The following SCYL1 variants were observed in gnomAD, a reference collection of about 807,000 sequenced individuals.
SCYL1 encodes N-terminal kinase-like protein.
A neutral mutation model predicts 94.8 loss-of-function variants in SCYL1; 85 were observed. That is an observed-to-expected ratio of 0.90 (90% confidence interval 0.75 to 1.07). SCYL1 has a LOEUF of 1.07. SCYL1 is among the 50% of genes least tolerant of loss of function. The pLI is 0.00. For missense variants in SCYL1, 968 were observed against 1,083.3 expected, an observed-to-expected ratio of 0.89 and a Z score of 1.49; for synonymous variants, 459 against 435.5, an observed-to-expected ratio of 1.05 and a Z score of -0.67.
intron 6 of SCYL1, among the ~76,000 whole-genome samples, chr11:65,530,243 G>T (rs1855297824): frequency 6.6e-6 from 1 of 152,118 alleles, no homozygotes; most frequent in South Asian, 2.1e-4. Flanking sequence ...ATCCTGGGTG[G>T]CGAGCAGTAG....
rs1023590098 is a variant in SCYL1 at position 65,531,425 on chromosome 11, T to C, written c.1009-151T>C. The C allele has an allele frequency of 2.8e-5, 18 of 647,630 alleles. No homozygotes were observed. In the Admixed American group the frequency reaches 3.9e-4, roughly 14 times the overall value. The allele number at this position is 647,630 out of a possible 1,614,324, so 40.1% of individuals were successfully genotyped here. ...GGTTAAGGGCAAGGCTGAGATGGAA[T>C]ATGGGTAGAGGAGCTACTGAGGAAA... On this transcript the variant is annotated intron_variant, in intron 7 of 17. Coordinates refer to ENST00000270176, the MANE Select transcript of SCYL1 (RefSeq NM_020680.4).
chr11:65,535,632 G>C, intron 10 of SCYL1: 4 of 603,846 alleles, frequency 6.6e-6, no homozygotes, highest in Non-Finnish European at 1.1e-5. Flanking sequence ...GCCAGGGTTT[G>C]TAAGTTCAGT....
rs939624841 is a variant in SCYL1, at chr11:65,530,693, C to T, written c.914C>T (p.Pro305Leu). 29 of 1,614,094 alleles carry T rather than the reference C, an allele frequency of 1.8e-5. No homozygotes were observed. Among genetic ancestry groups the T allele is most frequent in the Non-Finnish European group, 2.5e-5 (29 of 1,180,020 alleles). ...QELSKSLDAF[P>L]EDFCRHKVLP... ...CTGAGCAAGAGCCTGGACGCATTCC[C>T]TGAGGATTTCTGTCGGCACAAGGTG... The change falls in exon 7 of 18, where the codon CCT (proline) becomes CTT (leucine). Residue 305 changes from proline (P) to leucine (L), a missense_variant. Physicochemically the swap from Pro to Leu is moderately conservative, Grantham distance 98 (BLOSUM62 -3). This residue lies in a region of SCYL1 where 494 missense variants were observed against 619.7 expected (regional missense o/e 0.80). Transcript: ENST00000270176.
Position 65,527,017 on chromosome 11 carries a change from T to A in SCYL1, c.749T>A (p.Val250Glu). The change falls in exon 6 of 18, where the codon GTG (valine) becomes GAG (glutamate). Residue 250 changes from valine to glutamate, a missense_variant. Around this residue, in one of 2 missense-constraint regions of SCYL1, gnomAD observed 494 missense variants for 619.7 expected, o/e 0.80. Coordinates refer to ENST00000270176, the MANE Select transcript of SCYL1 (RefSeq NM_020680.4). ...YCELVGANPKVRPNPARFLQN... is the reference protein window; with the variant it reads ...YCELVGANPKERPNPARFLQN... Reference sequence around the variant, plus strand: ...GAGCTGGTGGGAGCAAACCCCAAGGTGCGTCCCAACCCAGCCCGCTTCCTG... The same window carrying A: ...GAGCTGGTGGGAGCAAACCCCAAGGAGCGTCCCAACCCAGCCCGCTTCCTG... The A allele has an allele frequency of 6.2e-7, 1 of 1,613,430 alleles. No homozygotes were observed. Among genetic ancestry groups the A allele is most frequent in the Non-Finnish European group, 8.5e-7 (1 of 1,179,938 alleles).
rs374236882 is a variant in SCYL1, at chr11:65,525,941, C to T, written c.273C>T (p.Val91=). 43 of 1,613,528 alleles carry T rather than the reference C, an allele frequency of 2.7e-5. No individual in the cohort carries two copies. Among genetic ancestry groups the T allele is most frequent in the Admixed American group, 2.0e-4 (12 of 60,014 alleles). Reference sequence around the variant, plus strand: ...CCCAGACAGAAAAATGCCTCCACGTCGTGACAGAGGCTGTGACCCCGTTGG... The same window carrying T: ...CCCAGACAGAAAAATGCCTCCACGTTGTGACAGAGGCTGTGACCCCGTTGG... ...DGLETEKCLH[V]VTEAVTPLGI... The change falls in exon 3 of 18, where the codon GTC becomes GTT. Residue 91 remains valine (V), a synonymous_variant. Transcript: ENST00000270176.
At position 65,537,047 on chromosome 11, in the gene SCYL1, G is replaced by A. The variant is rs773861156; in HGVS notation, c.1878G>A (p.Glu626=). 3 of 1,613,872 alleles carry A rather than the reference G, an allele frequency of 1.9e-6. No individual in the cohort carries two copies. In the African/African-American group the frequency reaches 4.0e-5, roughly 22 times the overall value. ...CCCCTACAACCTCAGGCCACTGGGA[G>A]ACGCAGGAGGAGGACAAGGACACAG... ...PATPTTSGHW[E]TQEEDKDTAE... Residue 626 remains glutamate, a synonymous_variant, in exon 14 of 18, where the codon GAG becomes GAA. Transcript: ENST00000270176.
intron 6 of SCYL1, among the ~76,000 whole-genome samples, chr11:65,529,405 G>T (rs1296632746): frequency 3.3e-5 from 5 of 152,220 alleles, no homozygotes; most frequent in Non-Finnish European, 7.3e-5. Context: ...GAGAACATGG[G>T]AGGGCAGTGC....
intron 14 of SCYL1, among the ~76,000 whole-genome samples, chr11:65,537,357 C>T (rs1855723291): frequency 6.6e-6 from 1 of 152,186 alleles, no homozygotes; most frequent in Non-Finnish European, 1.5e-5. Context: ...TGGGGCATTC[C>T]CTGAACTTCC....
chr11:65,531,430 G>A, intron 7 of SCYL1, 146 bp from the exon 8 acceptor site: 1 of 661,690 alleles, frequency 1.5e-6, no homozygotes. Context: ...TGGAATATGG[G>A]TAGAGGAGCT....
intron 10 of SCYL1, chr11:65,535,657 A>G: frequency 1.7e-6 from 1 of 589,100 alleles, no homozygotes; most frequent in Non-Finnish European, 3.0e-6. Flanking sequence ...TGCCGTGCCC[A>G]GACAGTTAAC....
rs1855836342 is a variant in SCYL1 at position 65,538,427 on chromosome 11, C to G, written c.2303-15C>G. On this transcript the variant is annotated splice_polypyrimidine_tract_variant and intron_variant, in intron 17 of 17. Coordinates refer to ENST00000270176, the MANE Select transcript of SCYL1 (RefSeq NM_020680.4). ...GCTGGAGAGCTGAGACCGGGGCTCCCCTTCCTGACGCCAGGACAGGTCAAG... is the reference window on the plus strand; with the variant it reads ...GCTGGAGAGCTGAGACCGGGGCTCCGCTTCCTGACGCCAGGACAGGTCAAG... 3.9e-6 allele frequency: 6 copies of G among 1,545,818 alleles called. No homozygotes were observed. The highest frequency in any genetic ancestry group is 5.2e-6 in the Non-Finnish European group (6 of 1,144,582).
rs149772914 is a variant in SCYL1 at position 65,531,968 on chromosome 11, C to T, written c.1116+285C>T. Among the ~76,000 whole-genome samples, 65 of 152,312 alleles carry T rather than the reference C, an allele frequency of 4.3e-4. No individual in the cohort carries two copies. The Middle Eastern group carries it at 0.01, about 24-fold the overall frequency. On this transcript the variant is annotated intron_variant, in intron 8 of 17. Transcript: ENST00000270176. ...GAGTGGGGATACAGTCTTTCTCCTG[C>T]AACCCCAGGGCAGCTGGGAGCATCA... is the stretch of plus-strand genomic sequence containing the variant.
chr11:65,536,862 G>C, intron 13 of SCYL1, 112 bp downstream of exon 13: 1 of 1,352,978 alleles, frequency 7.4e-7, no homozygotes, highest in Non-Finnish European at 1.0e-6. Context: ...TATAGGAGCT[G>C]GGTAGGCTCC....
Position 65,538,438 on chromosome 11 carries a change from C to T in SCYL1, c.2303-4C>T. 6.4e-7 allele frequency: 1 copy of T among 1,554,148 alleles called. No homozygotes were observed. The highest frequency in any genetic ancestry group is 8.7e-7 in the Non-Finnish European group (1 of 1,150,584). On this transcript the variant is annotated splice_region_variant and splice_polypyrimidine_tract_variant and intron_variant, in intron 17 of 17. Transcript: ENST00000270176. ...GAGACCGGGGCTCCCCTTCCTGACG[C>T]CAGGACAGGTCAAGGCTGAGCTGGC... is the stretch of plus-strand genomic sequence containing the variant.
At chr11:65,527,167 C>T in intron 6 of SCYL1, 50 bp downstream of exon 6, 4 of 1,586,242 alleles carry the variant, frequency 2.5e-6, no homozygotes, top group Non-Finnish European at 1.7e-6. Flanking sequence ...TTCATTCTGC[C>T]CCTACCCTGC....
chr11:65,538,701 C>G lies in SCYL1; in HGVS notation c.*135C>G, dbSNP rs1025211750. The stretch of plus-strand genomic sequence containing the variant: ...ATCAGAGCCACAATAAATTCTATTT[C>G]ACACCCCTTGTGCCGGGCTCAGTCT... On this transcript the variant is annotated 3_prime_UTR_variant, in exon 18 of 18. Transcript: ENST00000270176. 5.0e-6 allele frequency: 6 copies of G among 1,202,584 alleles called. No individual in the cohort carries two copies. The African/African-American group carries it at 9.2e-5, about 18-fold the overall frequency. 74.5% of individuals were successfully genotyped at this position (1,202,584 alleles called of 1,614,324 possible).
At position 65,537,889 on chromosome 11, in the gene SCYL1, G is replaced by T; in HGVS notation, c.2031+9G>T. 6.3e-7 allele frequency: 1 copy of T among 1,578,332 alleles called. No homozygotes were observed. The highest frequency in any genetic ancestry group is 2.3e-5 in the East Asian group (1 of 43,376). On this transcript the variant is annotated intron_variant, in intron 15 of 17. Transcript: ENST00000270176. Reference sequence around the variant, plus strand: ...TGAGCCGTGCTAGTCAGGTGAGCTGGGTCTGGTGGGGAGGTGTGTGTATGG... The same window carrying T: ...TGAGCCGTGCTAGTCAGGTGAGCTGTGTCTGGTGGGGAGGTGTGTGTATGG...
rs368948887 is a variant in SCYL1, at chr11:65,536,674, C to T, written c.1740C>T (p.Leu580=). 1 of 1,614,046 alleles carries T rather than the reference C, an allele frequency of 6.2e-7. No homozygotes were observed. The highest frequency in any genetic ancestry group is 2.2e-5 in the East Asian group (1 of 44,882). Residue 580 remains leucine, a synonymous_variant, in exon 13 of 18, where the codon CTC becomes CTT. Transcript: ENST00000270176. The part of the protein sequence containing the change: ...AGWAVTGVSS[L]TSKLIRSHPT... The stretch of plus-strand genomic sequence containing the variant: ...GGGCCGTGACCGGGGTCTCCTCACT[C>T]ACCTCCAAGCTGATCCGTTCGCACC...
intron 9 of SCYL1, 46 bp from the exon 10 acceptor site, chr11:65,535,181 C>T: frequency 6.2e-7 from 1 of 1,602,372 alleles, no homozygotes; most frequent in Non-Finnish European, 8.5e-7. Context: ...GCACAAGGCC[C>T]TTTGCCCGCC....
Sources: gnomAD v4.1 joint callset for allele counts (sites outside exome capture counted in the v4.1 genomes callset) on GRCh38, gnomAD v4.1.1 for gene constraint, gnomAD v4.1.1 regional missense constraint, MANE v1.5 for transcripts, NCBI Gene and HGNC (gene_info 2026-07-23, HGNC 2026-07-21) for gene names.